DPP6: variants seen among roughly 807,000 people sequenced by gnomAD.
DPP6 encodes dipeptidyl peptidase like 6.
A neutral mutation model predicts 122.6 loss-of-function variants in DPP6; 69 were observed. The observed-to-expected ratio is 0.56, with a 90% confidence interval of 0.46 to 0.69. DPP6 has a LOEUF of 0.69. Ranked by LOEUF, DPP6 falls within the 30% of genes least tolerant of loss-of-function variation. The pLI is 0.00. For synonymous variants in DPP6, 418 were observed against 433.1 expected, an observed-to-expected ratio of 0.97 and a Z score of 0.43; for missense variants, 928 against 1,116.9, an observed-to-expected ratio of 0.83 and a Z score of 2.41.
chr7:154,294,826 TG>T (rs2150969705), intron 1 of DPP6, among the ~76,000 whole-genome samples: 1 of 152,292 alleles, frequency 6.6e-6, no homozygotes, highest in East Asian at 1.9e-4. Flanking sequence ...CCCTGGTGTG[TG>T]TTCCCCCGAC....
chr7:153,976,247 G>T (rs1309121337), intron 1 of DPP6, among the ~76,000 whole-genome samples: 1 of 152,180 alleles, frequency 6.6e-6, no homozygotes, highest in African/African-American at 2.4e-5. Flanking sequence ...TGTAGAATGT[G>T]AGGGAACCAG....
the DPP6 span, among the ~76,000 whole-genome samples, chr7:153,749,012 A>T: frequency 1.3e-5 from 2 of 152,114 alleles, no homozygotes; most frequent in Non-Finnish European, 2.9e-5. This position sits in a 1 kb window ranked among gnomAD's most constrained non-coding sequence, Gnocchi z 4.1. Flanking sequence ...CCACAAGGTA[A>T]GGGACCAGCG....
At chr7:154,187,860 G>A (rs1181885690) in intron 1 of DPP6, among the ~76,000 whole-genome samples, 2 of 152,138 alleles carry the variant, frequency 1.3e-5, no homozygotes, top group Admixed American at 6.5e-5. Context: ...TTCTGATGCC[G>A]AGACTCTAAC....
At chr7:153,859,008 T>C in the DPP6 span, among the ~76,000 whole-genome samples, 1 of 152,188 alleles carries the variant, frequency 6.6e-6, no homozygotes, top group Non-Finnish European at 1.5e-5. Context: ...AGCATATGTC[T>C]TCAGCACTTC....
At chr7:154,113,412 T>TATATATATATATACACAC (rs1472172445) in intron 1 of DPP6, among the ~76,000 whole-genome samples, 78 of 141,638 alleles carry the variant, frequency 5.5e-4, no homozygotes, top group African/African-American at 2.0e-3. Flanking sequence ...TATATATATA[T>TATATATATATATACACAC]ACACACACAC....
intron 1 of DPP6, among the ~76,000 whole-genome samples, chr7:153,956,473 A>G (rs1802467486): frequency 6.6e-6 from 1 of 152,174 alleles, no homozygotes; most frequent in African/African-American, 2.4e-5. Context: ...AGCCCAGGTG[A>G]TAGGTCTTCC....
At chr7:153,944,661 TGG>T (rs369604985) in intron 1 of DPP6, among the ~76,000 whole-genome samples, 8 of 108,368 alleles carry the variant, frequency 7.4e-5, no homozygotes, top group East Asian at 4.8e-4. Context: ...TATTTTTGTG[TGG>T]GTTTTTTTTT....
chr7:154,147,994 G>T (rs1333464613), intron 1 of DPP6, among the ~76,000 whole-genome samples: 1 of 150,426 alleles, frequency 6.6e-6, no homozygotes, highest in Non-Finnish European at 1.5e-5. Flanking sequence ...TCCCACTCCC[G>T]ATCACACTTG....
At chr7:154,722,579 TAA>T (rs1433101631) in intron 7 of DPP6, among the ~76,000 whole-genome samples, 3 of 152,162 alleles carry the variant, frequency 2.0e-5, no homozygotes, top group Non-Finnish European at 2.9e-5. Flanking sequence ...CGTGTTTCAG[TAA>T]AGACAAATCT....
chr7:153,780,983 A>G, the DPP6 span, among the ~76,000 whole-genome samples: 1 of 151,954 alleles, frequency 6.6e-6, no homozygotes, highest in Non-Finnish European at 1.5e-5. Context: ...TTTTAAAAAA[A>G]TGGATGTGTT....
intron 1 of DPP6, among the ~76,000 whole-genome samples, chr7:153,940,716 G>A (rs1333449766): frequency 6.6e-6 from 1 of 152,160 alleles, no homozygotes; most frequent in East Asian, 1.9e-4. Flanking sequence ...CCATAGAGAA[G>A]AGAGCCCACC....
At chr7:153,850,154 G>A in the DPP6 span, among the ~76,000 whole-genome samples, 17 of 152,274 alleles carry the variant, frequency 1.1e-4, 1 homozygote, top group Admixed American at 9.8e-4. Context: ...CGGGAGTCCA[G>A]ACACAGCTTA....
At chr7:154,060,311 T>G (rs368560441) in intron 1 of DPP6, among the ~76,000 whole-genome samples, 1,796 of 117,786 alleles carry the variant, frequency 0.015, 77 homozygotes, top group African/African-American at 0.043. Context: ...CCCTGGCTCT[T>G]AGGACCCCCA....
At chr7:154,588,405 T>C in intron 5 of DPP6, 1 of 298,782 alleles carries the variant, frequency 3.3e-6, no homozygotes, top group Non-Finnish European at 6.2e-6. Context: ...CATATACACT[T>C]GAGGTCTCCA....
chr7:154,742,826 A>AT (rs559323467), intron 8 of DPP6, among the ~76,000 whole-genome samples: 48 of 152,294 alleles, frequency 3.2e-4, no homozygotes, highest in African/African-American at 1.1e-3. Flanking sequence ...CTTGGTGTTT[A>AT]GGAGGCCCTG....
chr7:154,337,609 G>A (rs541083092), intron 1 of DPP6, among the ~76,000 whole-genome samples: 1 of 152,274 alleles, frequency 6.6e-6, no homozygotes, highest in Non-Finnish European at 1.5e-5. Flanking sequence ...GATGTCCTCT[G>A]TGTGCCTCCT....
intron 16 of DPP6, among the ~76,000 whole-genome samples, chr7:154,811,005 G>A (rs1210124043): frequency 1.3e-5 from 2 of 152,140 alleles, no homozygotes; most frequent in Non-Finnish European, 2.9e-5. Context: ...AAATTATCAC[G>A]CTAGGGTTTC....
At chr7:154,305,306 T>G in intron 1 of DPP6, 1 of 1,356,894 alleles carries the variant, frequency 7.4e-7, no homozygotes. Flanking sequence ...TCTCTGCTGC[T>G]TGCATTTAAA....
intron 2 of DPP6, among the ~76,000 whole-genome samples, chr7:154,462,333 T>C (rs1156719238): frequency 1.3e-5 from 2 of 152,232 alleles, no homozygotes; most frequent in Admixed American, 1.3e-4. Flanking sequence ...AGAATAACTT[T>C]GGTTATTGTG....
Sources: allele counts gnomAD v4.1 joint callset (sites outside exome capture counted in the v4.1 genomes callset), GRCh38; gene constraint gnomAD v4.1.1; non-coding constraint Gnocchi (gnomAD v3.1); transcripts MANE v1.5; gene names NCBI Gene and HGNC (gene_info 2026-07-23, HGNC 2026-07-21).